NTNG1: variants seen among roughly 807,000 people sequenced by gnomAD.
NTNG1 encodes netrin G1, also known as netrin-G1.
A neutral mutation model predicts 54.0 loss-of-function variants in NTNG1; 16 were observed. That is an observed-to-expected ratio of 0.30 (90% CI 0.20 to 0.45). The LOEUF is 0.45. NTNG1 is among the 20% of genes least tolerant of loss of function. The pLI is 1.00. For missense variants in NTNG1, 530 were observed against 678.7 expected (o/e 0.78, Z 2.43); for synonymous variants, 255 against 263.1 (o/e 0.97, Z 0.30).
intron 2 of NTNG1, among the ~76,000 whole-genome samples, chr1:107,166,262 C>T (rs925997336): frequency 6.6e-6 from 1 of 152,146 alleles, no homozygotes; most frequent in Non-Finnish European, 1.5e-5. Flanking sequence ...ACTGCAAAGT[C>T]TTGTATTTCG....
Position 107,199,129 on chromosome 1 carries a change from C to T in NTNG1, c.246+50290C>T, listed in dbSNP as rs185108897. ...TAAACTCAAGATTTTAAAAGTGCAC[C>T]CTTCTTTTAGTAGGCCAAGGTCTTC... is the stretch of plus-strand genomic sequence containing the variant. On this transcript the variant is annotated intron_variant, in intron 2 of 7. Coordinates refer to ENST00000370068, the MANE Select transcript of NTNG1 (RefSeq NM_001113226.3). Among the ~76,000 whole-genome samples the T allele has an allele frequency of 1.6e-3, 242 of 151,490 alleles. 1 individual carries two copies. Among genetic ancestry groups the T allele is most frequent in the Non-Finnish European group, 2.2e-3 (150 of 67,774 alleles).
intron 3 of NTNG1, among the ~76,000 whole-genome samples, chr1:107,345,964 G>A (rs758680238): frequency 6.6e-6 from 1 of 151,988 alleles, no homozygotes; most frequent in Non-Finnish European, 1.5e-5. Flanking sequence ...TTTCCTTCAG[G>A]CCCTAATGTA....
chr1:107,344,256 G>C (rs1669087813), intron 3 of NTNG1, among the ~76,000 whole-genome samples: 1 of 152,126 alleles, frequency 6.6e-6, no homozygotes, highest in Non-Finnish European at 1.5e-5. Context: ...CTTAATTACA[G>C]GGAACAGGAG....
intron 2 of NTNG1, among the ~76,000 whole-genome samples, chr1:107,278,876 A>G (rs1664655292): frequency 6.6e-6 from 1 of 152,108 alleles, no homozygotes. Context: ...ATGACCCTAA[A>G]CTTTCTTCTA....
chr1:107,178,185 A>G (rs1436394129), intron 2 of NTNG1, among the ~76,000 whole-genome samples: 1 of 152,178 alleles, frequency 6.6e-6, no homozygotes, highest in Non-Finnish European at 1.5e-5. Context: ...ACATTTTTCA[A>G]TATTACATCA....
intron 7 of NTNG1, among the ~76,000 whole-genome samples, chr1:107,462,138 T>C (rs1250653769): frequency 6.6e-6 from 1 of 152,186 alleles, no homozygotes; most frequent in Non-Finnish European, 1.5e-5. Context: ...GAAGCAAGGA[T>C]GCACTTTTTC....
At chr1:107,157,580 A>G (rs957527213) in intron 2 of NTNG1, among the ~76,000 whole-genome samples, 13 of 152,118 alleles carry the variant, frequency 8.5e-5, no homozygotes, top group African/African-American at 3.1e-4. Flanking sequence ...TATTCCCACC[A>G]TCTGTTTTCC....
At chr1:107,319,353 A>G (rs1194885681) in intron 2 of NTNG1, among the ~76,000 whole-genome samples, 1 of 152,136 alleles carries the variant, frequency 6.6e-6, no homozygotes, top group Non-Finnish European at 1.5e-5. Context: ...GTCAGTCACT[A>G]GCCTCCCAGA....
At chr1:107,327,250 G>A (rs149312675) in intron 3 of NTNG1, among the ~76,000 whole-genome samples, 2,049 of 152,184 alleles carry the variant, frequency 0.013, 52 homozygotes, top group African/African-American at 0.047. Flanking sequence ...CAGATGGCTG[G>A]AGTATTTTTA....
chr1:107,449,022 A>G (rs1676466903), intron 7 of NTNG1, among the ~76,000 whole-genome samples: 1 of 152,168 alleles, frequency 6.6e-6, no homozygotes, highest in African/African-American at 2.4e-5. Context: ...GGCAATTACC[A>G]TTTAATCTAT....
chr1:107,144,445 G>T (rs916096187), intron 1 of NTNG1, among the ~76,000 whole-genome samples: 1 of 152,072 alleles, frequency 6.6e-6, no homozygotes, highest in Non-Finnish European at 1.5e-5. Flanking sequence ...ATAATAAAAT[G>T]AATGCTGAAA....
chr1:107,174,833 A>G (rs954675175), intron 2 of NTNG1, among the ~76,000 whole-genome samples: 1 of 152,112 alleles, frequency 6.6e-6, no homozygotes, highest in African/African-American at 2.4e-5. Flanking sequence ...TAATTCAGCC[A>G]TATTCCCAGA....
In NTNG1 at chr1:107,209,827, TGTCCCTAGATCAGGC is replaced by T. The variant is rs1659481781; in HGVS notation, c.246+60989_246+61003del. 7.9e-5 allele frequency among the ~76,000 whole-genome samples: 12 copies of T among 152,164 alleles called. No individual in the cohort carries two copies. The South Asian group carries it at 2.5e-3, about 32-fold the overall frequency. The stretch of plus-strand genomic sequence containing the variant: ...ATCCACAAAGAGACCTGGCAACAGG[TGTCCCTAGATCAGGC>T]CATGCCTGAAGTCAGGTCCATCACC... On this transcript the variant is annotated intron_variant, in intron 2 of 7. Transcript: ENST00000370068.
At chr1:107,463,260 T>C (rs1186424820) in intron 7 of NTNG1, among the ~76,000 whole-genome samples, 1 of 152,262 alleles carries the variant, frequency 6.6e-6, no homozygotes, top group Non-Finnish European at 1.5e-5. Flanking sequence ...CTGATAAAGG[T>C]TGGAAATCAC....
At chr1:107,451,027 G>C (rs1676589032) in intron 7 of NTNG1, among the ~76,000 whole-genome samples, 1 of 151,476 alleles carries the variant, frequency 6.6e-6, no homozygotes, top group Non-Finnish European at 1.5e-5. Flanking sequence ...CTTGGTGACT[G>C]TTAATACCCT....
chr1:107,213,070 T>C (rs1395590984), intron 2 of NTNG1, among the ~76,000 whole-genome samples: 3 of 151,538 alleles, frequency 2.0e-5, no homozygotes, highest in Admixed American at 1.3e-4. Context: ...TAGATAAAAG[T>C]GAAATGAAAT....
chr1:107,141,257 G>T (rs1653658937), intron 1 of NTNG1, 117 bp downstream of exon 1: 1 of 151,462 alleles, frequency 6.6e-6, no homozygotes. Flanking sequence ...CGGCGGCTCG[G>T]GTCCTCACGC....
intron 5 of NTNG1, among the ~76,000 whole-genome samples, chr1:107,427,559 T>G (rs190158395): frequency 6.6e-6 from 1 of 152,172 alleles, no homozygotes; most frequent in African/African-American, 2.4e-5. Context: ...TACTTTGCAT[T>G]TATATAGTAC....
At chr1:107,430,381 A>G (rs1675184844) in intron 5 of NTNG1, among the ~76,000 whole-genome samples, 1 of 152,288 alleles carries the variant, frequency 6.6e-6, no homozygotes, top group East Asian at 1.9e-4. Context: ...AAAACAAGGG[A>G]AATGGTGCAA....
Sources: allele counts gnomAD v4.1 joint callset (sites outside exome capture counted in the v4.1 genomes callset), GRCh38; gene constraint gnomAD v4.1.1; transcripts MANE v1.5; gene names NCBI Gene and HGNC (gene_info 2026-07-23, HGNC 2026-07-21).